PCDHA13: variants seen among roughly 807,000 people sequenced by gnomAD.
The protein encoded by PCDHA13 is protocadherin alpha-13.
Under a neutral mutation model 64.8 loss-of-function variants are expected in PCDHA13, and 54 were observed. The ratio of observed to expected loss-of-function variants is 0.83; its 90% confidence interval spans 0.67 to 1.04. The LOEUF (loss-of-function observed/expected upper bound fraction) is 1.04, where lower values mean the gene tolerates loss of function less well. Among genes scored for constraint, PCDHA13 ranks in the 50% least tolerant of loss-of-function variants. PCDHA13 has a pLI of 0.00. For synonymous variants in PCDHA13, 587 were observed against 564.4 expected, an observed-to-expected ratio of 1.04 and a Z score of -0.57; for missense variants, 1,248 against 1,254.3, an observed-to-expected ratio of 0.99 and a Z score of 0.08.
intron 1 of PCDHA13, among the ~76,000 whole-genome samples, chr5:140,886,712 G>A (rs950364984): frequency 1.3e-5 from 2 of 151,798 alleles, no homozygotes; most frequent in Middle Eastern, 3.4e-3. Flanking sequence ...TGTAATCCCA[G>A]CTACTTGGGA....
chr5:140,978,240 C>G (rs1290697340), intron 1 of PCDHA13, among the ~76,000 whole-genome samples: 1 of 152,174 alleles, frequency 6.6e-6, no homozygotes, highest in African/African-American at 2.4e-5. Flanking sequence ...TGGATTTCAG[C>G]TACTCCCTGT....
rs202184948 is a variant in PCDHA13 at position 140,888,065 on chromosome 5, T to C, written c.2394+3403T>C. 4.6e-5 allele frequency among the ~76,000 whole-genome samples: 7 copies of C among 152,338 alleles called. No homozygotes were observed. The East Asian group carries it at 5.8e-4, about 13-fold the overall frequency. On this transcript the variant is annotated intron_variant, in intron 1 of 3. Transcript: ENST00000289272. Reference sequence around the variant, plus strand: ...TATAATAGATGTTTTAACTTTCTTGTCTGCTAATTTCAACATTTTTGTCCT... The same window carrying C: ...TATAATAGATGTTTTAACTTTCTTGCCTGCTAATTTCAACATTTTTGTCCT...
intron 1 of PCDHA13, among the ~76,000 whole-genome samples, chr5:140,974,807 A>T (rs2096641510): frequency 6.6e-6 from 1 of 152,202 alleles, no homozygotes; most frequent in Admixed American, 6.5e-5. Context: ...ATATACTAGA[A>T]GACCAATATG....
At position 140,928,565 on chromosome 5, in the gene PCDHA13, C is replaced by T. The variant is rs1227327620; in HGVS notation, c.2394+43903C>T. 2.5e-6 allele frequency: 4 copies of T among 1,614,038 alleles called. No individual in the cohort carries two copies. The highest frequency in any genetic ancestry group is 3.4e-6 in the Non-Finnish European group (4 of 1,180,038). On this transcript the variant is annotated intron_variant, in intron 1 of 3. Transcript: ENST00000289272. Reference sequence around the variant, plus strand: ...GACAATTATCCGGTTATCTTGTTTCCCTTGCCCAGAAATGGTTCTGTCCCA... The same window carrying T: ...GACAATTATCCGGTTATCTTGTTTCTCTTGCCCAGAAATGGTTCTGTCCCA...
chr5:140,946,631 T>TATATATATATATATATATACAC lies in PCDHA13; in HGVS notation c.2395-32317_2395-32316insTATATATATATATATATACACA, dbSNP rs57893927. Among the ~76,000 whole-genome samples the TATATATATATATATATATACAC allele has an allele frequency of 6.1e-4, 80 of 131,840 alleles. 1 individual carries two copies. The East Asian group carries it at 6.6e-3, about 11-fold the overall frequency. The allele number at this position is 131,840 out of a possible 152,430, so 86.5% of individuals were successfully genotyped here. A position where few individuals can be genotyped will look rare whatever the true frequency, so the allele number is the denominator to read the frequency against. ...TGTGAAATATATATATATATATATATACAATGGAATACTCATCAGCCATTA... is the reference window on the plus strand; with the variant it reads ...TGTGAAATATATATATATATATATATATATATATATATATATATACACACAATGGAATACTCATCAGCCATTA... On this transcript the variant is annotated intron_variant, in intron 1 of 3. Transcript: ENST00000289272.
At chr5:140,901,329 T>A (rs180738358) in intron 1 of PCDHA13, among the ~76,000 whole-genome samples, 102 of 152,302 alleles carry the variant, frequency 6.7e-4, no homozygotes, top group Admixed American at 1.2e-3. Context: ...TTTCTTGTAG[T>A]CGTTTTATAG....
intron 1 of PCDHA13, among the ~76,000 whole-genome samples, chr5:140,956,211 TCCTTG>T (rs2095268091): frequency 6.6e-6 from 1 of 152,198 alleles, no homozygotes; most frequent in Non-Finnish European, 1.5e-5. Flanking sequence ...AAAGAGGGCA[TCCTTG>T]TCTTGTGCTG....
At chr5:140,985,072 A>C (rs2097134751) in intron 3 of PCDHA13, among the ~76,000 whole-genome samples, 1 of 151,864 alleles carries the variant, frequency 6.6e-6, no homozygotes, top group Admixed American at 6.6e-5. Flanking sequence ...TGAGTAGCTG[A>C]GACTACAGGC....
chr5:140,994,665 A>G (rs555985538), intron 3 of PCDHA13, among the ~76,000 whole-genome samples: 1 of 152,294 alleles, frequency 6.6e-6, no homozygotes, highest in East Asian at 1.9e-4. Flanking sequence ...AGATCACACT[A>G]CTGCACTCCA....
chr5:140,965,331 G>T (rs2153743444), intron 1 of PCDHA13, among the ~76,000 whole-genome samples: 1 of 152,252 alleles, frequency 6.6e-6, no homozygotes, highest in Non-Finnish European at 1.5e-5. Context: ...AAGTGAATTT[G>T]TTGTCTCTGT....
rs1554206132 is a variant in PCDHA13, at chr5:140,928,678, C to A, written c.2394+44016C>A. 3.1e-6 allele frequency: 5 copies of A among 1,614,192 alleles called. No individual in the cohort carries two copies. The East Asian group carries it at 1.1e-4, about 36-fold the overall frequency. ...TGCTGACAGTGGTTCTAATGCCTGGCTTTCCTACCACATCTCCCGGGCGTC... is the reference window on the plus strand; with the variant it reads ...TGCTGACAGTGGTTCTAATGCCTGGATTTCCTACCACATCTCCCGGGCGTC... On this transcript the variant is annotated intron_variant, in intron 1 of 3. Coordinates refer to ENST00000289272, the MANE Select transcript of PCDHA13 (RefSeq NM_018904.3).
chr5:140,947,625 T>C (rs2094153389), intron 1 of PCDHA13, among the ~76,000 whole-genome samples: 1 of 151,648 alleles, frequency 6.6e-6, no homozygotes, highest in Non-Finnish European at 1.5e-5. Context: ...CAATATTGAG[T>C]CATCAGATCG....
chr5:140,890,822 A>T (rs1044008204), intron 1 of PCDHA13, among the ~76,000 whole-genome samples: 8 of 152,186 alleles, frequency 5.3e-5, no homozygotes, highest in Non-Finnish European at 1.0e-4. Flanking sequence ...TTTTAAATGT[A>T]CTTACATATT....
In PCDHA13 at chr5:140,882,319, G is replaced by T; in HGVS notation, c.51G>T (p.Trp17Cys). The change falls in exon 1 of 4, where the codon TGG (tryptophan) becomes TGT (cysteine). Residue 17 changes from tryptophan to cysteine, a missense_variant. Physicochemically the swap from Trp to Cys is radical, Grantham distance 215 (BLOSUM62 -2). Coordinates refer to ENST00000289272, the MANE Select transcript of PCDHA13 (RefSeq NM_018904.3). ...CAAGACCGCGGCAACTACTGCTCTG[G>T]CTTCTGATCCTCGCAGCCTGGGAGA... ...GGPRPRQLLL[W>C]LLILAAWETG... 3 of 1,614,136 alleles carry T rather than the reference G, an allele frequency of 1.9e-6. No homozygotes were observed. The highest frequency in any genetic ancestry group is 2.5e-6 in the Non-Finnish European group (3 of 1,180,000).
chr5:140,987,277 A>C (rs1326809190), intron 3 of PCDHA13, among the ~76,000 whole-genome samples: 2 of 152,122 alleles, frequency 1.3e-5, no homozygotes, highest in African/African-American at 4.8e-5. Flanking sequence ...CCGGCAGTCT[A>C]TGTTTTAACA....
intron 3 of PCDHA13, among the ~76,000 whole-genome samples, chr5:141,007,680 C>G (rs1179621299): frequency 1.3e-5 from 2 of 152,148 alleles, no homozygotes; most frequent in African/African-American, 4.8e-5. Flanking sequence ...CAAAAGTTAT[C>G]CTACTTCCAC....
chr5:140,933,314 G>C (rs925777839), intron 1 of PCDHA13, among the ~76,000 whole-genome samples: 1 of 151,914 alleles, frequency 6.6e-6, no homozygotes, highest in African/African-American at 2.4e-5. Context: ...ATGCAATCTC[G>C]TATTCTCCTG....
At chr5:140,938,907 A>T (rs2092260332) in intron 1 of PCDHA13, among the ~76,000 whole-genome samples, 1 of 152,090 alleles carries the variant, frequency 6.6e-6, no homozygotes, top group Non-Finnish European at 1.5e-5. Context: ...GCACACACAC[A>T]CACGCACAAG....
In PCDHA13 at chr5:141,009,814, A is replaced by C. The variant is rs781835321; in HGVS notation, c.2730A>C (p.Lys910Asn). Residue 910 changes from lysine to asparagine, a missense_variant, in exon 4 of 4, where the codon AAA (lysine) becomes AAC (asparagine). By Grantham distance (94) the Lys-to-Asn change is moderately conservative. Coordinates refer to ENST00000289272, the MANE Select transcript of PCDHA13 (RefSeq NM_018904.3). ...RQEPTNSQID[K>N]SDFITFGKKE... ...AGCCTACTAACAGCCAAATTGACAA[A>C]AGTGACTTCATAACCTTCGGCAAAA... The C allele has an allele frequency of 6.2e-7, 1 of 1,614,124 alleles. No individual in the cohort carries two copies. The highest frequency in any genetic ancestry group is 8.5e-7 in the Non-Finnish European group (1 of 1,180,010).
Sources: gnomAD v4.1 joint callset for allele counts (sites outside exome capture counted in the v4.1 genomes callset) on GRCh38, gnomAD v4.1.1 for gene constraint, MANE v1.5 for transcripts, NCBI Gene and HGNC (gene_info 2026-07-23, HGNC 2026-07-21) for gene names.